Variants in GRIA2 observed in about 807,000 individuals in gnomAD.
The protein encoded by GRIA2 is glutamate ionotropic receptor AMPA type subunit 2.
GRIA2 carries 14 observed loss-of-function variants against 97.3 expected under a neutral mutation model. The ratio of observed to expected loss-of-function variants is 0.14; its 90% CI spans 0.10 to 0.23. GRIA2 has a LOEUF of 0.23. GRIA2 is among the 10% of genes least tolerant of loss of function. The probability of loss-of-function intolerance (pLI) is 1.00; values close to 1 mark genes in which losing one functional copy is unlikely to be tolerated. For synonymous variants in GRIA2, 412 were observed against 387.8 expected (o/e 1.06, Z -0.73); for missense variants, 558 against 1,069.8 (o/e 0.52, Z 6.67).
intron 1 of GRIA2, 104 bp from the exon 2 acceptor site, chr4:157,221,563 C>A (rs1260985054): frequency 8.5e-7 from 1 of 1,174,958 alleles, no homozygotes; most frequent in African/African-American, 1.5e-5. Flanking sequence ...TCGGCCTATT[C>A]GCGTGAATAA....
chr4:157,276,895 A>C (rs1732342835), intron 2 of GRIA2, among the ~76,000 whole-genome samples: 1 of 152,002 alleles, frequency 6.6e-6, no homozygotes, highest in Non-Finnish European at 1.5e-5. Context: ...ACCTATGTCT[A>C]TTAAAGAAAT....
chr4:157,324,091 A>C (rs1734702926), intron 6 of GRIA2, among the ~76,000 whole-genome samples: 1 of 152,204 alleles, frequency 6.6e-6, no homozygotes, highest in African/African-American at 2.4e-5. Flanking sequence ...GGGTTAGCAC[A>C]GCTTTGGAAA....
chr4:157,318,238 A>G (rs1347045465), intron 5 of GRIA2, among the ~76,000 whole-genome samples: 1 of 152,204 alleles, frequency 6.6e-6, no homozygotes, highest in Non-Finnish European at 1.5e-5. Flanking sequence ...CACTGTCTCT[A>G]TTTTTTATAA....
chr4:157,268,595 C>T (rs1428020163), intron 2 of GRIA2, among the ~76,000 whole-genome samples: 2 of 151,922 alleles, frequency 1.3e-5, no homozygotes, highest in Admixed American at 6.6e-5. Context: ...AAAGCAGTTT[C>T]AAACTGAGCT....
rs1736562509 is a variant in GRIA2, at chr4:157,359,942, G to A, written c.2090G>A (p.Ser697Asn). 6.2e-7 allele frequency: 1 copy of A among 1,613,672 alleles called. No individual in the cohort carries two copies. The highest frequency in any genetic ancestry group is 8.5e-7 in the Non-Finnish European group (1 of 1,179,702). The change falls in exon 13 of 16, where the codon AGT (serine) becomes AAT (asparagine). Residue 697 changes from serine (S) to asparagine (N), a missense_variant. This residue lies in a region of GRIA2 where 125 missense variants were observed against 310.2 expected (regional missense o/e 0.40). Coordinates refer to ENST00000264426, the MANE Select transcript of GRIA2 (RefSeq NM_001083619.3). ...GATAAAATGTGGACCTACATGCGGAGTGCGGAGCCCTCTGTGTTTGTGAGG... is the reference window on the plus strand; with the variant it reads ...GATAAAATGTGGACCTACATGCGGAATGCGGAGCCCTCTGTGTTTGTGAGG... ...VFDKMWTYMR[S>N]AEPSVFVRTT...
At chr4:157,356,019 A>T (rs1736329670) in intron 12 of GRIA2, among the ~76,000 whole-genome samples, 1 of 107,460 alleles carries the variant, frequency 9.3e-6, no homozygotes, top group African/African-American at 3.8e-5. Flanking sequence ...ATTTATATAT[A>T]TTTATATATT....
At chr4:157,313,400 T>G (rs1290557703) in intron 4 of GRIA2, among the ~76,000 whole-genome samples, 1 of 152,106 alleles carries the variant, frequency 6.6e-6, no homozygotes, top group Non-Finnish European at 1.5e-5. Context: ...AATTAAAATA[T>G]GTAGGAAGGA....
chr4:157,287,458 T>C lies in GRIA2; in HGVS notation c.230-16094T>C, dbSNP rs535070531. ...AAAAAGTTTTGAGCTTACAGTTGGG[T>C]CTCATTAATCTGTTGGAATCCTAGG... On this transcript the variant is annotated intron_variant, in intron 2 of 15. Coordinates refer to ENST00000264426, the MANE Select transcript of GRIA2 (RefSeq NM_001083619.3). Among the ~76,000 whole-genome samples, 3 of 151,724 alleles carry C rather than the reference T, an allele frequency of 2.0e-5. No individual in the cohort carries two copies. In the South Asian group the frequency reaches 6.2e-4, roughly 32 times the overall value.
intron 2 of GRIA2, among the ~76,000 whole-genome samples, chr4:157,266,857 G>A (rs759521080): frequency 1.5e-4 from 23 of 151,946 alleles, no homozygotes; most frequent in African/African-American, 3.9e-4. Flanking sequence ...CCAGGAGTTC[G>A]AGATGAGTCT....
intron 2 of GRIA2, among the ~76,000 whole-genome samples, chr4:157,254,278 G>A (rs900477038): frequency 5.9e-5 from 9 of 151,942 alleles, no homozygotes; most frequent in Admixed American, 6.6e-5. Flanking sequence ...TAGAAGCATC[G>A]TTTTAAAGTC....
intron 6 of GRIA2, among the ~76,000 whole-genome samples, chr4:157,324,612 G>A (rs1734724239): frequency 6.6e-6 from 1 of 152,136 alleles, no homozygotes; most frequent in African/African-American, 2.4e-5. Flanking sequence ...TCGAAGTAAG[G>A]CAACAGCATG....
intron 12 of GRIA2, among the ~76,000 whole-genome samples, chr4:157,344,207 G>A (rs1199714276): frequency 1.3e-5 from 2 of 152,062 alleles, no homozygotes; most frequent in African/African-American, 4.8e-5. Context: ...AAATCATAGG[G>A]TCAACTGTAA....
intron 12 of GRIA2, among the ~76,000 whole-genome samples, chr4:157,355,792 A>T: frequency 1.4e-5 from 1 of 71,536 alleles, no homozygotes; most frequent in African/African-American, 4.2e-5. Flanking sequence ...TATATATATT[A>T]GTTATATATA....
chr4:157,287,735 G>A (rs1015757302), intron 2 of GRIA2, among the ~76,000 whole-genome samples: 50 of 150,978 alleles, frequency 3.3e-4, no homozygotes, highest in Admixed American at 2.7e-3. Flanking sequence ...CTTGCCAGCC[G>A]ACCACCTTTT....
At chr4:157,311,381 C>T (rs2126883202) in intron 3 of GRIA2, among the ~76,000 whole-genome samples, 1 of 152,012 alleles carries the variant, frequency 6.6e-6, no homozygotes, top group East Asian at 1.9e-4. Flanking sequence ...CAAATTAGCT[C>T]CTGTGTGCTT....
chr4:157,328,188 T>G (rs1734889584), intron 6 of GRIA2, among the ~76,000 whole-genome samples: 1 of 152,118 alleles, frequency 6.6e-6, no homozygotes, highest in Non-Finnish European at 1.5e-5. Flanking sequence ...ATATTTATAA[T>G]TTAATTCAGG....
At chr4:157,223,334 A>G (rs1381130324) in intron 2 of GRIA2, among the ~76,000 whole-genome samples, 1 of 152,166 alleles carries the variant, frequency 6.6e-6, no homozygotes, top group Non-Finnish European at 1.5e-5. Flanking sequence ...TCACTGCTAT[A>G]TATTTTCTTC....
At chr4:157,326,283 C>T (rs1256922812) in intron 6 of GRIA2, among the ~76,000 whole-genome samples, 1 of 152,154 alleles carries the variant, frequency 6.6e-6, no homozygotes, top group African/African-American at 2.4e-5. Context: ...GCAATCTTGC[C>T]ACCATCAGGG....
Position 157,357,275 on chromosome 4 carries a change from G to A in GRIA2, c.2044-2621G>A, listed in dbSNP as rs746883869. On this transcript the variant is annotated intron_variant, in intron 12 of 15. Transcript: ENST00000264426. ...AGTAAATGTCTTGTCCTAATGAATC[G>A]CAGTTTTCAACAGAACAGTATTATA... Among the ~76,000 whole-genome samples the A allele has an allele frequency of 4.1e-4, 63 of 152,166 alleles. No individual in the cohort carries two copies. The Middle Eastern group carries it at 0.01, about 25-fold the overall frequency.
Sources: gnomAD v4.1 joint callset for allele counts (sites outside exome capture counted in the v4.1 genomes callset) on GRCh38, gnomAD v4.1.1 for gene constraint, gnomAD v4.1.1 regional missense constraint, MANE v1.5 for transcripts, NCBI Gene and HGNC (gene_info 2026-07-23, HGNC 2026-07-21) for gene names.